Variants in CABCOCO1 observed in about 807,000 individuals in gnomAD.
CABCOCO1 encodes the protein ciliary-associated calcium-binding coiled-coil protein 1.
CABCOCO1 carries 28 observed loss-of-function variants against 35.7 expected under a neutral mutation model. The ratio of observed to expected loss-of-function variants is 0.78; its 90% CI spans 0.58 to 1.07. CABCOCO1 has a LOEUF of 1.07. Among genes scored for constraint, CABCOCO1 ranks in the 50% least tolerant of loss-of-function variants. The pLI, the probability that CABCOCO1 is intolerant of heterozygous loss-of-function variation, is 0.00. For missense variants in CABCOCO1, 326 were observed against 309.2 expected, an observed-to-expected ratio of 1.05 and a Z score of -0.41; for synonymous variants, 95 against 100.1, an observed-to-expected ratio of 0.95 and a Z score of 0.30.
rs1277457479 is a variant in CABCOCO1, at chr10:61,746,436, GA to G, written c.553-13616del. 2.0e-5 allele frequency among the ~76,000 whole-genome samples: 3 copies of G among 152,148 alleles called. No individual in the cohort carries two copies. The East Asian group carries it at 5.8e-4, about 29-fold the overall frequency. ...GAACTATGGTTCCCAGAATGTTTAT[GA>G]AAAAAACATGCTTATATATTCTGAA... On this transcript the variant is annotated intron_variant, in intron 5 of 7. Transcript: ENST00000648843.
chr10:61,693,283 A>C (rs1485810461), intron 5 of CABCOCO1, among the ~76,000 whole-genome samples: 2 of 152,146 alleles, frequency 1.3e-5, no homozygotes, highest in Non-Finnish European at 2.9e-5. Context: ...CTTGGTACAA[A>C]TACCTGTTTT....
chr10:61,722,952 G>A (rs555400255), intron 5 of CABCOCO1, among the ~76,000 whole-genome samples: 8 of 152,208 alleles, frequency 5.3e-5, no homozygotes, highest in South Asian at 2.1e-4. Flanking sequence ...TAATTGACCC[G>A]TATTTAACAA....
intron 5 of CABCOCO1, among the ~76,000 whole-genome samples, chr10:61,707,592 A>T (rs61349244): frequency 0.011 from 1,617 of 152,236 alleles, 32 homozygotes; most frequent in African/African-American, 0.036. Flanking sequence ...ACTTCTAATC[A>T]GAGGCGTGAG....
At chr10:61,685,599 C>T (rs1225608013) in intron 3 of CABCOCO1, among the ~76,000 whole-genome samples, 1 of 152,174 alleles carries the variant, frequency 6.6e-6, no homozygotes, top group Non-Finnish European at 1.5e-5. Context: ...CTCACTGTGT[C>T]ACCCAGGCTG....
chr10:61,757,831 C>A (rs1841930523), intron 5 of CABCOCO1, among the ~76,000 whole-genome samples: 1 of 151,926 alleles, frequency 6.6e-6, no homozygotes, highest in South Asian at 2.1e-4. Flanking sequence ...GAATTGGACA[C>A]AAATACCTGC....
intron 5 of CABCOCO1, among the ~76,000 whole-genome samples, chr10:61,743,377 T>G (rs1219586613): frequency 6.6e-6 from 1 of 152,218 alleles, no homozygotes; most frequent in Non-Finnish European, 1.5e-5. Flanking sequence ...AATCACATTT[T>G]AAATTTAAAA....
intron 3 of CABCOCO1, among the ~76,000 whole-genome samples, chr10:61,681,962 G>C (rs559957910): frequency 6.6e-6 from 1 of 152,116 alleles, no homozygotes; most frequent in Non-Finnish European, 1.5e-5. Context: ...AGATTTCTTC[G>C]TACGTATTTT....
chr10:61,705,326 A>C (rs1016924177), intron 5 of CABCOCO1, among the ~76,000 whole-genome samples: 2 of 152,214 alleles, frequency 1.3e-5, no homozygotes, highest in African/African-American at 4.8e-5. Flanking sequence ...GTTGAAGATC[A>C]TTGTCTTCTA....
chr10:61,708,709 C>A (rs796505098), intron 5 of CABCOCO1, among the ~76,000 whole-genome samples: 1 of 152,052 alleles, frequency 6.6e-6, no homozygotes, highest in African/African-American at 2.4e-5. Context: ...TCATACCATA[C>A]GTTGGGGACT....
At chr10:61,703,867 G>A (rs1005501195) in intron 5 of CABCOCO1, among the ~76,000 whole-genome samples, 2 of 151,966 alleles carry the variant, frequency 1.3e-5, no homozygotes, top group African/African-American at 4.8e-5. Context: ...TGATACATAG[G>A]GCATCACACA....
In CABCOCO1 at chr10:61,698,268, A is replaced by T. The variant is rs532074750; in HGVS notation, c.552+7647A>T. On this transcript the variant is annotated intron_variant, in intron 5 of 7. Coordinates refer to ENST00000648843, the MANE Select transcript of CABCOCO1 (RefSeq NM_001366906.2). ...TGTAATCATTTAAGCCAACTCACTC[A>T]ATCTGTTTCAATATTTTATTTTGCA... is the stretch of plus-strand genomic sequence containing the variant. Among the ~76,000 whole-genome samples, 3 of 152,228 alleles carry T rather than the reference A, an allele frequency of 2.0e-5. No individual in the cohort carries two copies. The South Asian group carries it at 6.2e-4, about 32-fold the overall frequency.
chr10:61,667,657 C>G (rs1839232023), intron 1 of CABCOCO1, among the ~76,000 whole-genome samples: 1 of 151,696 alleles, frequency 6.6e-6, no homozygotes, highest in African/African-American at 2.4e-5. Flanking sequence ...CAAGTTTTTA[C>G]CTTTTCTGTT....
intron 5 of CABCOCO1, among the ~76,000 whole-genome samples, chr10:61,753,666 G>A (rs1841839960): frequency 6.6e-6 from 1 of 152,130 alleles, no homozygotes; most frequent in Non-Finnish European, 1.5e-5. Flanking sequence ...GTGGGGGAAG[G>A]GGAGAGGCAG....
At chr10:61,737,277 T>C (rs1841438865) in intron 5 of CABCOCO1, among the ~76,000 whole-genome samples, 1 of 152,148 alleles carries the variant, frequency 6.6e-6, no homozygotes. Flanking sequence ...TCAGAATGGC[T>C]ATTATTACAA....
intron 2 of CABCOCO1, among the ~76,000 whole-genome samples, chr10:61,679,314 T>G: frequency 7.8e-6 from 1 of 128,556 alleles, no homozygotes; most frequent in Non-Finnish European, 1.7e-5. Context: ...TCTATATCTA[T>G]ATCTATATCT....
intron 2 of CABCOCO1, among the ~76,000 whole-genome samples, chr10:61,679,416 G>A (rs1480492957): frequency 6.6e-6 from 1 of 152,094 alleles, no homozygotes; most frequent in Admixed American, 6.6e-5. Context: ...TGCAATAGCA[G>A]GACCAGGGTG....
chr10:61,717,492 C>T (rs561092806), intron 5 of CABCOCO1, among the ~76,000 whole-genome samples: 1 of 151,864 alleles, frequency 6.6e-6, no homozygotes, highest in African/African-American at 2.4e-5. Flanking sequence ...TGTGCTGTAC[C>T]TAGAGATCCA....
intron 4 of CABCOCO1, among the ~76,000 whole-genome samples, chr10:61,689,423 TC>T (rs1438311272): frequency 1.3e-5 from 2 of 152,116 alleles, no homozygotes; most frequent in Non-Finnish European, 2.9e-5. Context: ...GAGGTTTTTT[TC>T]CCCCAAAATA....
At chr10:61,738,068 A>C (rs1158211864) in intron 5 of CABCOCO1, among the ~76,000 whole-genome samples, 3 of 149,950 alleles carry the variant, frequency 2.0e-5, no homozygotes, top group Non-Finnish European at 4.4e-5. Flanking sequence ...AAAAAAAAAA[A>C]CAAAGACACC....
Sources: gnomAD v4.1 joint callset for allele counts (sites outside exome capture counted in the v4.1 genomes callset) on GRCh38, gnomAD v4.1.1 for gene constraint, MANE v1.5 for transcripts, NCBI Gene and HGNC (gene_info 2026-07-23, HGNC 2026-07-21) for gene names.